Variants in CADM1 observed in about 807,000 individuals in gnomAD.
The protein encoded by CADM1 is TSLC-1.
In CADM1, 15 loss-of-function variants were observed where a neutral mutation model predicts 53.1. The observed-to-expected ratio is 0.28, with a 90% CI of 0.19 to 0.44. CADM1 has a LOEUF of 0.44. Ranked by LOEUF, CADM1 falls within the 20% of genes least tolerant of loss-of-function variation. The probability of loss-of-function intolerance (pLI) is 1.00; values close to 1 mark genes in which losing one functional copy is unlikely to be tolerated. For missense variants in CADM1, 434 were observed against 611.3 expected (o/e 0.71, Z 3.06); for synonymous variants, 281 against 243.0 (o/e 1.16, Z -1.45).
rs552473641 is a variant in CADM1, at chr11:115,464,616, T to A, written c.124+39655A>T. On this transcript the variant is annotated intron_variant, in intron 1 of 11. Coordinates refer to ENST00000331581, the MANE Select transcript of CADM1 (RefSeq NM_001301043.2). ...TTCTGGCATGGTTTACAGAAACCAG[T>A]GTAAAGCTAATAGGGTCATTCAAGT... Among the ~76,000 whole-genome samples, 4 of 152,318 alleles carry A rather than the reference T, an allele frequency of 2.6e-5. No individual in the cohort carries two copies. The East Asian group carries it at 7.7e-4, about 29-fold the overall frequency.
chr11:115,468,624 A>T (rs145179562), intron 1 of CADM1, among the ~76,000 whole-genome samples: 1 of 152,252 alleles, frequency 6.6e-6, no homozygotes, highest in East Asian at 1.9e-4. Flanking sequence ...ACAGCACCTT[A>T]CTGTAGTTTT....
chr11:115,175,660 C>T lies in CADM1; in HGVS notation c.*814G>A, dbSNP rs1252160466. 1.0e-5 allele frequency: 10 copies of T among 985,898 alleles called. No homozygotes were observed. Among genetic ancestry groups the T allele is most frequent in the African/African-American group, 3.5e-5 (2 of 57,198 alleles). 61.1% of individuals were successfully genotyped at this position (985,898 alleles called of 1,614,324 possible). A position where few individuals can be genotyped will look rare whatever the true frequency, so the allele number is the denominator to read the frequency against. On this transcript the variant is annotated 3_prime_UTR_variant, in exon 12 of 12. Coordinates refer to ENST00000331581, the MANE Select transcript of CADM1 (RefSeq NM_001301043.2). ...TTCTGCCCCAAACCTTTCTGGACAGCGTAGGGTATCTATACTGAGCCGTCT... is the reference window on the plus strand; with the variant it reads ...TTCTGCCCCAAACCTTTCTGGACAGTGTAGGGTATCTATACTGAGCCGTCT...
chr11:115,198,278 T>G, intron 9 of CADM1, 128 bp downstream of exon 9: 1 of 672,130 alleles, frequency 1.5e-6, no homozygotes. Flanking sequence ...TAAAAAATTA[T>G]AGTATATTTA....
At chr11:115,462,937 A>C (rs1948826591) in intron 1 of CADM1, among the ~76,000 whole-genome samples, 1 of 152,148 alleles carries the variant, frequency 6.6e-6, no homozygotes, top group African/African-American at 2.4e-5. Flanking sequence ...AGAGGGATGA[A>C]GTAGTAGGTG....
intron 10 of CADM1, among the ~76,000 whole-genome samples, chr11:115,180,478 C>A (rs1031952636): frequency 6.6e-6 from 1 of 152,074 alleles, no homozygotes; most frequent in South Asian, 2.1e-4. Context: ...CTGAGCTGAG[C>A]GAGCCCCTCC....
At chr11:115,455,635 C>T (rs1948667481) in intron 1 of CADM1, among the ~76,000 whole-genome samples, 1 of 152,122 alleles carries the variant, frequency 6.6e-6, no homozygotes, top group Admixed American at 6.6e-5. Context: ...AACACTCACA[C>T]CTGATGAGCC....
Position 115,171,550 on chromosome 11 carries a change from A to G in CADM1, c.*4924T>C, listed in dbSNP as rs1003417356. The G allele has an allele frequency of 9.9e-5, 15 of 152,228 alleles. No individual in the cohort carries two copies. Among genetic ancestry groups the G allele is most frequent in the African/African-American group, 3.4e-4 (14 of 41,524 alleles). The allele number at this position is 152,228 out of a possible 1,614,324, so 9.4% of individuals were successfully genotyped here. On this transcript the variant is annotated 3_prime_UTR_variant, in exon 12 of 12. Coordinates refer to ENST00000331581, the MANE Select transcript of CADM1 (RefSeq NM_001301043.2). ...GAGGGCCATTTTCACTCTCGTACGC[A>G]CTCTTCTCAAATGAAGGAGTGGGCA... is the stretch of plus-strand genomic sequence containing the variant.
intron 3 of CADM1, among the ~76,000 whole-genome samples, chr11:115,233,586 T>TC (rs1941902866): frequency 6.6e-6 from 1 of 152,136 alleles, no homozygotes; most frequent in African/African-American, 2.4e-5. Context: ...TTACATGCTA[T>TC]TGTTAGATCA....
At chr11:115,405,061 G>A (rs987396818) in intron 1 of CADM1, among the ~76,000 whole-genome samples, 1 of 152,102 alleles carries the variant, frequency 6.6e-6, no homozygotes, top group African/African-American at 2.4e-5. Flanking sequence ...CTAGGCTCAA[G>A]CAATCCTCTC....
At chr11:115,492,002 G>A (rs575574280) in intron 1 of CADM1, among the ~76,000 whole-genome samples, 1 of 152,258 alleles carries the variant, frequency 6.6e-6, no homozygotes, top group South Asian at 2.1e-4. Context: ...TGTAAATGAC[G>A]AGTTAATGGA....
intron 1 of CADM1, among the ~76,000 whole-genome samples, chr11:115,380,719 G>A (rs1479576724): frequency 6.6e-6 from 1 of 152,096 alleles, no homozygotes; most frequent in African/African-American, 2.4e-5. Flanking sequence ...ACCATAATTA[G>A]AGGTAATCAA....
intron 1 of CADM1, among the ~76,000 whole-genome samples, chr11:115,337,397 C>T (rs1354231853): frequency 6.6e-6 from 1 of 152,128 alleles, no homozygotes; most frequent in Non-Finnish European, 1.5e-5. Flanking sequence ...TCAACAGCAC[C>T]TCTCTTTTCC....
intron 1 of CADM1, among the ~76,000 whole-genome samples, chr11:115,442,411 C>A (rs1444681036): frequency 1.3e-5 from 2 of 152,108 alleles, no homozygotes; most frequent in African/African-American, 4.8e-5. Flanking sequence ...CCACCCCCAA[C>A]AAAATGACAC....
At chr11:115,258,988 T>G (rs981053849) in intron 1 of CADM1, among the ~76,000 whole-genome samples, 1 of 152,146 alleles carries the variant, frequency 6.6e-6, no homozygotes, top group Non-Finnish European at 1.5e-5. Flanking sequence ...ATGTTAACTT[T>G]CCAACTTTTT....
At position 115,174,250 on chromosome 11, in the gene CADM1, T is replaced by C. The variant is rs2134562375; in HGVS notation, c.*2224A>G. On this transcript the variant is annotated 3_prime_UTR_variant, in exon 12 of 12. Transcript: ENST00000331581. Reference sequence around the variant, plus strand: ...GGTCCCAAAAATGAGATGCCAATTCTGTGAGCAATGGTGTGATTTTTTTTT... The same window carrying C: ...GGTCCCAAAAATGAGATGCCAATTCCGTGAGCAATGGTGTGATTTTTTTTT... 1 of 983,900 alleles carries C rather than the reference T, an allele frequency of 1.0e-6. No individual in the cohort carries two copies. Among genetic ancestry groups the C allele is most frequent in the Non-Finnish European group, 1.2e-6 (1 of 829,550 alleles). The allele number at this position is 983,900 out of a possible 1,614,324, so 60.9% of individuals were successfully genotyped here.
At chr11:115,327,611 A>G (rs1481733339) in intron 1 of CADM1, among the ~76,000 whole-genome samples, 3 of 152,040 alleles carry the variant, frequency 2.0e-5, no homozygotes, top group Admixed American at 2.0e-4. Flanking sequence ...ACCTCTACAC[A>G]ACACACCTAC....
intron 1 of CADM1, among the ~76,000 whole-genome samples, chr11:115,346,720 C>G (rs1053607162): frequency 6.6e-6 from 1 of 152,108 alleles, no homozygotes; most frequent in Non-Finnish European, 1.5e-5. Context: ...AAAGGGTCAC[C>G]GGCTAACCTC....
chr11:115,345,728 C>T (rs1028417798), intron 1 of CADM1, among the ~76,000 whole-genome samples: 2 of 152,124 alleles, frequency 1.3e-5, no homozygotes, highest in Non-Finnish European at 2.9e-5. Flanking sequence ...CTGAGAAGCA[C>T]TTTGGGTTGA....
chr11:115,265,190 C>A (rs1943100942), intron 1 of CADM1, among the ~76,000 whole-genome samples: 1 of 152,114 alleles, frequency 6.6e-6, no homozygotes, highest in African/African-American at 2.4e-5. Context: ...GTTTTTAAAA[C>A]CAAGGAATCA....
Sources: gnomAD v4.1 joint callset for allele counts (sites outside exome capture counted in the v4.1 genomes callset) on GRCh38, gnomAD v4.1.1 for gene constraint, MANE v1.5 for transcripts, NCBI Gene and HGNC (gene_info 2026-07-23, HGNC 2026-07-21) for gene names.